Variants in NEB observed in about 807,000 individuals in gnomAD.
The protein encoded by NEB is nemaline myopathy type 2.
NEB carries 512 observed loss-of-function variants against 952.2 expected under a neutral mutation model. The observed-to-expected ratio is 0.54, with a 90% CI of 0.50 to 0.58. The LOEUF is 0.58. NEB is among the 20% of genes least tolerant of loss of function. The pLI, the probability that NEB is intolerant of heterozygous loss-of-function variation, is 0.00. For missense variants in NEB, 8,428 were observed against 9,231.1 expected (o/e 0.91, Z 3.56); for synonymous variants, 2,900 against 3,149.8 (o/e 0.92, Z 2.66).
intron 161 of NEB, among the ~76,000 whole-genome samples, chr2:151,510,918 A>C (rs2073746641): frequency 6.6e-6 from 1 of 152,224 alleles, no homozygotes; most frequent in African/African-American, 2.4e-5. Context: ...TCTCCATTGG[A>C]AATCGAGAAG....
At chr2:151,675,920 G>A (rs1332099329) in intron 34 of NEB, among the ~76,000 whole-genome samples, 2 of 152,112 alleles carry the variant, frequency 1.3e-5, no homozygotes. Flanking sequence ...TTTGCCCTAT[G>A]TTGTTACTTT....
At position 151,494,254 on chromosome 2, in the gene NEB, C is replaced by T; in HGVS notation, c.24487-1G>A. On this transcript the variant is annotated splice_acceptor_variant, in intron 173 of 181. Transcript: ENST00000397345. LOFTEE classifies it high-confidence loss of function. ...TCCCCACATTTTCTTTGTACAAAAC[C>T]TATGGGAATCCAATGGGTCCAAAAA... 6.3e-7 allele frequency: 1 copy of T among 1,587,400 alleles called. No homozygotes were observed. Among genetic ancestry groups the T allele is most frequent in the Non-Finnish European group, 8.6e-7 (1 of 1,163,740 alleles).
chr2:151,709,394 A>G (rs1368864489), intron 12 of NEB, among the ~76,000 whole-genome samples: 1 of 152,226 alleles, frequency 6.6e-6, no homozygotes, highest in Non-Finnish European at 1.5e-5. Context: ...GAAATATTGA[A>G]GATGGTAATT....
At chr2:151,730,672 C>A (rs1202696264) in intron 3 of NEB, among the ~76,000 whole-genome samples, 2 of 145,148 alleles carry the variant, frequency 1.4e-5, no homozygotes, top group Non-Finnish European at 3.0e-5. Flanking sequence ...TTTTTCTTAT[C>A]TTTAACACCA....
At position 151,704,432 on chromosome 2, in the gene NEB, G is replaced by C. The variant is rs879811239; in HGVS notation, c.1152+2449C>G. On this transcript the variant is annotated intron_variant, in intron 13 of 181. Transcript: ENST00000397345. ...TGCTTTGTTTACCTAATCAAGCCTG[G>C]GCAATGGCGGGCGCCCCTCCCCCAG... is the stretch of plus-strand genomic sequence containing the variant. Among the ~76,000 whole-genome samples the C allele has an allele frequency of 2.7e-3, 402 of 149,544 alleles. 1 individual carries two copies. The highest frequency in any genetic ancestry group is 9.1e-3 in the African/African-American group (370 of 40,750).
chr2:151,671,357 C>T (rs2099286967), intron 37 of NEB, 128 bp from the exon 38 acceptor site: 1 of 746,800 alleles, frequency 1.3e-6, no homozygotes, highest in Non-Finnish European at 2.2e-6. Context: ...GACTGTCTGT[C>T]ACAGAGCTTA....
intron 11 of NEB, 125 bp downstream of exon 11, chr2:151,710,309 C>T: frequency 1.9e-6 from 1 of 530,382 alleles, no homozygotes. Flanking sequence ...TGCACCAGGT[C>T]TTGCCCCAAG....
chr2:151,491,865 G>T, intron 178 of NEB, 90 bp from the exon 179 acceptor site: 1 of 1,112,562 alleles, frequency 9.0e-7, no homozygotes, highest in Non-Finnish European at 1.3e-6. Context: ...ACCACCAAAG[G>T]ATTGAATCAC....
At chr2:151,499,123 A>G (rs1179342284) in intron 169 of NEB, among the ~76,000 whole-genome samples, 175 bp downstream of exon 169, 1 of 152,190 alleles carries the variant, frequency 6.6e-6, no homozygotes. Context: ...AAATGATTAT[A>G]TTAATGTTTT....
chr2:151,601,478 A>G (rs1036818410), intron 88 of NEB, among the ~76,000 whole-genome samples: 3 of 115,524 alleles, frequency 2.6e-5, no homozygotes, highest in Admixed American at 9.0e-5. Context: ...ATCTACGTGG[A>G]AAAAAACAGT....
At chr2:151,547,266 T>C (rs562173208) in intron 133 of NEB, among the ~76,000 whole-genome samples, 163 bp downstream of exon 133, 2 of 152,308 alleles carry the variant, frequency 1.3e-5, no homozygotes, top group African/African-American at 4.8e-5. Flanking sequence ...AGCTGTAGAA[T>C]TGTGGCATCC....
At chr2:151,623,109 AG>A (rs1429704796) in intron 71 of NEB, among the ~76,000 whole-genome samples, 2 of 152,212 alleles carry the variant, frequency 1.3e-5, no homozygotes, top group African/African-American at 2.4e-5. Context: ...TGTAACCTCA[AG>A]GATGGTAGGT....
intron 72 of NEB, among the ~76,000 whole-genome samples, 160 bp from the exon 73 acceptor site, chr2:151,619,922 C>G (rs1245959751): frequency 6.6e-6 from 1 of 152,116 alleles, no homozygotes; most frequent in African/African-American, 2.4e-5. Flanking sequence ...CTCATTGGCA[C>G]ATGTCCACAG....
At chr2:151,555,110 G>T in intron 124 of NEB, 66 bp from the exon 125 acceptor site, 1 of 1,158,052 alleles carries the variant, frequency 8.6e-7, no homozygotes, top group Non-Finnish European at 1.3e-6. Flanking sequence ...TATTAAAACA[G>T]CATAAGACTT....
Position 151,631,288 on chromosome 2 carries a change from G to C in NEB, c.9473C>G (p.Ser3158Cys), listed in dbSNP as rs377606986. Residue 3158 changes from serine to cysteine, a missense_variant, in exon 66 of 182, where the codon TCT becomes TGT. Transcript: ENST00000397345. ...TCTCTTGCACTTGACCACATCCATA[G>C]ACCCAATGGGGACCCAGCCAATGCC... Reference protein sequence around the residue: ...LRGIGWVPIGSMDVVKCKRAT... With the variant: ...LRGIGWVPIGCMDVVKCKRAT... 93 of 1,613,682 alleles carry C rather than the reference G, an allele frequency of 5.8e-5. No individual in the cohort carries two copies. Among genetic ancestry groups the C allele is most frequent in the Non-Finnish European group, 7.0e-5 (83 of 1,179,846 alleles).
At chr2:151,493,169 G>A in intron 176 of NEB, 184 bp downstream of exon 176, 1 of 555,350 alleles carries the variant, frequency 1.8e-6, no homozygotes, top group Non-Finnish European at 3.2e-6. Context: ...CTATTTTAGT[G>A]TAAATTTTCA....
Position 151,696,795 on chromosome 2 carries a change from A to G in NEB, c.1471-60T>C, listed in dbSNP as rs75410226. On this transcript the variant is annotated intron_variant, in intron 16 of 181. Transcript: ENST00000397345. Reference sequence around the variant, plus strand: ...TCACCTGTCAGATCCAAGGTGGCCCACAGGCCAAGCAAATAGAACCTCATG... The same window carrying G: ...TCACCTGTCAGATCCAAGGTGGCCCGCAGGCCAAGCAAATAGAACCTCATG... 3.2e-3 allele frequency: 4,172 copies of G among 1,285,974 alleles called. 84 individuals are homozygous for G. The East Asian group carries it at 0.053, about 16-fold the overall frequency. The allele number at this position is 1,285,974 out of a possible 1,614,324, so 79.7% of individuals were successfully genotyped here.
chr2:151,512,979 T>C, intron 160 of NEB, 142 bp from the exon 161 acceptor site: 1 of 648,342 alleles, frequency 1.5e-6, no homozygotes, highest in Admixed American at 2.7e-5. Flanking sequence ...TCTTCCTATT[T>C]TGTTCATAGT....
chr2:151,729,653 AG>A lies in NEB; in HGVS notation c.39del (p.Tyr14ThrfsTer15). The stretch of plus-strand genomic sequence containing the variant: ...TCTTCGTAAACCACTTCTTCTGTGT[AG>A]TACTGTAAATAGAGCACAAAGGCAT... The part of the protein sequence containing the change: ...DDEDYEEVVE[Y>X]YTEEVVYEEV... On this transcript the variant is annotated frameshift_variant and splice_region_variant, in exon 4 of 182. Transcript: ENST00000397345. LOFTEE classifies it high-confidence loss of function. 2 of 1,613,314 alleles carry A rather than the reference AG, an allele frequency of 1.2e-6. No homozygotes were observed. The highest frequency in any genetic ancestry group is 1.7e-6 in the Non-Finnish European group (2 of 1,179,446).
Sources: allele counts gnomAD v4.1 joint callset (sites outside exome capture counted in the v4.1 genomes callset), GRCh38; gene constraint gnomAD v4.1.1; transcripts MANE v1.5; gene names NCBI Gene and HGNC (gene_info 2026-07-23, HGNC 2026-07-21).